The following SMG6 variants were observed in gnomAD, a reference collection of about 807,000 sequenced individuals.
SMG6 encodes SMG6 nonsense mediated mRNA decay factor.
SMG6 carries 66 observed loss-of-function variants against 142.2 expected under a neutral mutation model. That is an observed-to-expected ratio of 0.46 (90% CI 0.38 to 0.57). The LOEUF is 0.57. Ranked by LOEUF, SMG6 falls within the 20% of genes least tolerant of loss-of-function variation. The pLI is 0.00. For synonymous variants in SMG6, 779 were observed against 702.4 expected (o/e 1.11, Z -1.72); for missense variants, 1,793 against 1,832.0 (o/e 0.98, Z 0.39).
chr17:2,289,686 G>A (rs1424384903), intron 6 of SMG6, among the ~76,000 whole-genome samples: 2 of 151,982 alleles, frequency 1.3e-5, no homozygotes, highest in African/African-American at 4.8e-5. Flanking sequence ...TGAGGTAGGT[G>A]GATCACTTGA....
intron 8 of SMG6, among the ~76,000 whole-genome samples, chr17:2,271,952 T>C (rs1475417046): frequency 6.6e-6 from 1 of 152,158 alleles, no homozygotes; most frequent in Non-Finnish European, 1.5e-5. Flanking sequence ...CCTACCAAAT[T>C]TAATGGATAG....
At position 2,261,367 on chromosome 17, in the gene SMG6, T is replaced by G. The variant is rs376294957; in HGVS notation, c.2662-16648A>C. Among the ~76,000 whole-genome samples the G allele has an allele frequency of 3.7e-3, 557 of 152,238 alleles. 4 individuals are homozygous for G. Among genetic ancestry groups the G allele is most frequent in the Non-Finnish European group, 6.0e-3 (411 of 68,014 alleles). On this transcript the variant is annotated intron_variant, in intron 8 of 18. Coordinates refer to ENST00000263073, the MANE Select transcript of SMG6 (RefSeq NM_017575.5). ...ACAGCGATACAAGTAAATAAACTGC[T>G]GGTTATACAAGTATGCTTACATTGT...
chr17:2,278,413 C>T (rs1220858176), intron 8 of SMG6, among the ~76,000 whole-genome samples: 3 of 152,076 alleles, frequency 2.0e-5, no homozygotes, highest in Admixed American at 6.5e-5. Flanking sequence ...CCATGTTGGC[C>T]AGGCTGGTCT....
chr17:2,172,824 A>G lies in SMG6; in HGVS notation c.3191T>C (p.Phe1064Ser). The G allele has an allele frequency of 6.2e-7, 1 of 1,614,158 alleles. No individual in the cohort carries two copies. Among genetic ancestry groups the G allele is most frequent in the Non-Finnish European group, 8.5e-7 (1 of 1,180,028 alleles). The change falls in exon 13 of 19, where the codon TTC becomes TCC. Residue 1064 changes from phenylalanine to serine, a missense_variant. Physicochemically the swap from Phe to Ser is radical, Grantham distance 155. Transcript: ENST00000263073. The stretch of plus-strand genomic sequence containing the variant: ...ATTCACTGCAGTCAGTATGTTACAG[A>G]AATCAGCCAGCGTCGACCATACATC... ...AVDVWSTLADFCNILTAVNQS... is the reference protein window; with the variant it reads ...AVDVWSTLADSCNILTAVNQS...
intron 8 of SMG6, among the ~76,000 whole-genome samples, chr17:2,271,401 G>A (rs1039575710): frequency 6.6e-6 from 1 of 150,538 alleles, no homozygotes; most frequent in South Asian, 2.2e-4. Context: ...AAGTCCAGGA[G>A]TTTGAAACCA....
chr17:2,303,581 G>A (rs1156875406), intron 1 of SMG6, 52 bp downstream of exon 1: 5 of 1,376,250 alleles, frequency 3.6e-6, no homozygotes, highest in Middle Eastern at 2.6e-4. Context: ...AGGAGGAGGA[G>A]AGGGAGGCGG....
intron 13 of SMG6, among the ~76,000 whole-genome samples, chr17:2,140,482 T>C (rs542467873): frequency 6.6e-6 from 1 of 152,252 alleles, no homozygotes; most frequent in Non-Finnish European, 1.5e-5. Context: ...CCATCCTGGC[T>C]AGCATGGTGA....
In SMG6 at chr17:2,292,949, C is replaced by T; in HGVS notation, c.2180G>A (p.Arg727Gln). 3 of 1,614,058 alleles carry T rather than the reference C, an allele frequency of 1.9e-6. No homozygotes were observed. The highest frequency in any genetic ancestry group is 2.5e-6 in the Non-Finnish European group (3 of 1,179,938). The change falls in exon 5 of 19, where the codon CGA becomes CAA. Residue 727 changes from arginine to glutamine, a missense_variant. Coordinates refer to ENST00000263073, the MANE Select transcript of SMG6 (RefSeq NM_017575.5). ...TVKYALISAQRCMICQGDIAR... is the reference protein window; with the variant it reads ...TVKYALISAQQCMICQGDIAR... The stretch of plus-strand genomic sequence containing the variant: ...AATATCTCCTTGGCATATCATGCAT[C>T]GCTGGGCACTGATCAAGGCATATTT...
rs879672672 is a variant in SMG6, at chr17:2,060,333, C to T, written c.*1159G>A. 2.6e-5 allele frequency: 4 copies of T among 152,278 alleles called. No individual in the cohort carries two copies. Among genetic ancestry groups the T allele is most frequent in the African/African-American group, 4.8e-5 (2 of 41,466 alleles). The allele number at this position is 152,278 out of a possible 1,614,324, so 9.4% of individuals were successfully genotyped here. A position where few individuals can be genotyped will look rare whatever the true frequency, so the allele number is the denominator to read the frequency against. ...AAGGAAAGGGCCCCTGTGTCAGTGTCAGTTTTTCCGGGGAGTGAGGGCAAA... is the reference window on the plus strand; with the variant it reads ...AAGGAAAGGGCCCCTGTGTCAGTGTTAGTTTTTCCGGGGAGTGAGGGCAAA... On this transcript the variant is annotated 3_prime_UTR_variant, in exon 19 of 19. Transcript: ENST00000263073.
chr17:2,074,765 G>A (rs750936810), intron 15 of SMG6, among the ~76,000 whole-genome samples: 2 of 152,202 alleles, frequency 1.3e-5, no homozygotes, highest in African/African-American at 4.8e-5. Context: ...AGAGCTGAAG[G>A]GCACTTAAAG....
chr17:2,248,935 G>A (rs1210097335), intron 8 of SMG6, among the ~76,000 whole-genome samples: 2 of 151,480 alleles, frequency 1.3e-5, no homozygotes, highest in East Asian at 1.9e-4. Flanking sequence ...CACCCAGGCT[G>A]GAGTGCAGTG....
At chr17:2,244,741 G>C in intron 8 of SMG6, 22 bp from the exon 9 acceptor site, 4 of 1,603,918 alleles carry the variant, frequency 2.5e-6, no homozygotes, top group Non-Finnish European at 3.4e-6. Context: ...AAAGGGAGAG[G>C]AGAAAACAAT....
intron 13 of SMG6, 73 bp downstream of exon 13, chr17:2,172,585 T>A: frequency 2.0e-6 from 3 of 1,533,024 alleles, no homozygotes; most frequent in Non-Finnish European, 2.7e-6. Flanking sequence ...CACAGAAAAC[T>A]TCCCAAGAAT....
chr17:2,237,089 A>T (rs139192776), intron 9 of SMG6: 35,736 of 95,478 alleles, frequency 0.37, 5,804 homozygotes, highest in Admixed American at 0.5. Flanking sequence ...AAAAAAAAAA[A>T]TTTTTTTTTT....
intron 4 of SMG6, among the ~76,000 whole-genome samples, chr17:2,296,740 T>A (rs1394637146): frequency 6.6e-6 from 1 of 152,092 alleles, no homozygotes; most frequent in South Asian, 2.1e-4. Flanking sequence ...ATGCCTGCAA[T>A]CCCAGCACTT....
In SMG6 at chr17:2,082,282, C is replaced by CT. The variant is rs908279456; in HGVS notation, c.3535-327dup. The CT allele has an allele frequency of 1.2e-5, 3 of 250,266 alleles. No individual in the cohort carries two copies. In the Admixed American group the frequency reaches 1.5e-4, roughly 12 times the overall value. The allele number at this position is 250,266 out of a possible 1,614,324, so 15.5% of individuals were successfully genotyped here. On this transcript the variant is annotated intron_variant, in intron 14 of 18. Coordinates refer to ENST00000263073, the MANE Select transcript of SMG6 (RefSeq NM_017575.5). ...CCTGGTACACACTCACAAAGTCAAA[C>CT]TTTAGGCCTATTTTCATTCTGAAGT...
intron 10 of SMG6, among the ~76,000 whole-genome samples, chr17:2,221,023 T>C (rs1408808783): frequency 6.6e-6 from 1 of 152,182 alleles, no homozygotes; most frequent in Non-Finnish European, 1.5e-5. Flanking sequence ...AATAAAAAAG[T>C]ATTTCTAGTC....
chr17:2,264,218 C>A (rs2074374778), intron 8 of SMG6, among the ~76,000 whole-genome samples: 1 of 152,210 alleles, frequency 6.6e-6, no homozygotes, highest in African/African-American at 2.4e-5. Context: ...AGTACCCCCT[C>A]ACGTACATTC....
At chr17:2,082,175 C>T in intron 14 of SMG6, 1 of 557,912 alleles carries the variant, frequency 1.8e-6, no homozygotes, top group Admixed American at 3.0e-5. Context: ...TACTCTGGGG[C>T]TTTTCCCTCA....
Sources: gnomAD v4.1 joint callset for allele counts (sites outside exome capture counted in the v4.1 genomes callset) on GRCh38, gnomAD v4.1.1 for gene constraint, MANE v1.5 for transcripts, NCBI Gene and HGNC (gene_info 2026-07-23, HGNC 2026-07-21) for gene names.